The following FAM107B variants were observed in gnomAD, a reference collection of about 807,000 sequenced individuals.
The protein encoded by FAM107B is protein FAM107B.
Under a neutral mutation model 31.5 loss-of-function variants are expected in FAM107B, and 21 were observed. The ratio of observed to expected loss-of-function variants is 0.67; its 90% CI spans 0.47 to 0.96. The LOEUF is 0.96. FAM107B is among the 40% of genes least tolerant of loss of function. The pLI is 0.00. For synonymous variants in FAM107B, 157 were observed against 141.5 expected (o/e 1.11, Z -0.78); for missense variants, 452 against 377.1 (o/e 1.20, Z -1.64).
At chr10:14,544,231 CAGT>C (rs1848501686) in intron 2 of FAM107B, among the ~76,000 whole-genome samples, 1 of 152,186 alleles carries the variant, frequency 6.6e-6, no homozygotes, top group Non-Finnish European at 1.5e-5. Flanking sequence ...GAACTAGCAG[CAGT>C]AGTCACCCAT....
chr10:14,770,946 C>T (rs1198919358), intron 1 of FAM107B, among the ~76,000 whole-genome samples: 2 of 143,882 alleles, frequency 1.4e-5, no homozygotes, highest in African/African-American at 5.3e-5. Context: ...GGCTTGTCCC[C>T]ATTTCTTACC....
intron 2 of FAM107B, among the ~76,000 whole-genome samples, chr10:14,592,286 A>G (rs1013300360): frequency 2.6e-5 from 4 of 152,244 alleles, no homozygotes; most frequent in African/African-American, 9.6e-5. Flanking sequence ...AGGAAGAGGC[A>G]GTTCCTGGGG....
At chr10:14,772,984 A>G (rs546993865) in intron 1 of FAM107B, among the ~76,000 whole-genome samples, 2 of 152,324 alleles carry the variant, frequency 1.3e-5, no homozygotes, top group African/African-American at 4.8e-5. Flanking sequence ...TATCCAACAA[A>G]TATCAACTTG....
At chr10:14,734,491 T>TTTTTTTTTTTGTTTG (rs2131563875) in intron 1 of FAM107B, among the ~76,000 whole-genome samples, 1 of 151,246 alleles carries the variant, frequency 6.6e-6, no homozygotes, top group Admixed American at 6.6e-5. Context: ...TTGTGAGGTT[T>TTTTTTTTTTTGTTTG]TTTTTTTTTT....
chr10:14,588,890 T>A (rs1304719829), intron 2 of FAM107B, among the ~76,000 whole-genome samples: 1 of 151,920 alleles, frequency 6.6e-6, no homozygotes, highest in African/African-American at 2.4e-5. Flanking sequence ...ATTTAAAGAA[T>A]AAGTGGTGAG....
At chr10:14,593,133 T>C (rs951066638) in intron 2 of FAM107B, among the ~76,000 whole-genome samples, 2 of 152,172 alleles carry the variant, frequency 1.3e-5, no homozygotes, top group Admixed American at 1.3e-4. Context: ...GAAGTCTTTT[T>C]AAATTAAAAT....
At chr10:14,665,445 C>A (rs1854379994) in intron 2 of FAM107B, among the ~76,000 whole-genome samples, 1 of 152,138 alleles carries the variant, frequency 6.6e-6, no homozygotes, top group Non-Finnish European at 1.5e-5. Flanking sequence ...TGATGTCCTC[C>A]CAACGTGTGT....
Position 14,773,929 on chromosome 10 carries a change from A to G in FAM107B, c.411+324T>C, listed in dbSNP as rs567066049. 1.7e-3 allele frequency among the ~76,000 whole-genome samples: 266 copies of G among 152,322 alleles called. 1 individual carries two copies. Among genetic ancestry groups the G allele is most frequent in the African/African-American group, 6.1e-3 (255 of 41,570 alleles). On this transcript the variant is annotated intron_variant, in intron 1 of 4. Transcript: ENST00000181796. ...GTGGAGGGGGAAATAGAAAAAGGAAAAAAATGTTTTTGTAAACTATCTTAC... is the reference window on the plus strand; with the variant it reads ...GTGGAGGGGGAAATAGAAAAAGGAAGAAAATGTTTTTGTAAACTATCTTAC...
chr10:14,604,247 C>T (rs961075962), intron 2 of FAM107B: 3 of 979,504 alleles, frequency 3.1e-6, no homozygotes, highest in Non-Finnish European at 3.6e-6. Flanking sequence ...TACCTCGGCG[C>T]GCGCACAAAG....
chr10:14,589,113 T>C (rs1851935983), intron 2 of FAM107B, among the ~76,000 whole-genome samples: 1 of 148,930 alleles, frequency 6.7e-6, no homozygotes, highest in Non-Finnish European at 1.5e-5. Flanking sequence ...GCCCAGGAGG[T>C]TGCAGTGAGC....
At chr10:14,535,237 T>G (rs1246791213) in intron 2 of FAM107B, among the ~76,000 whole-genome samples, 2 of 152,104 alleles carry the variant, frequency 1.3e-5, no homozygotes, top group Non-Finnish European at 2.9e-5. Context: ...GAAGGAGAAA[T>G]AAAACTGGTT....
At chr10:14,633,576 C>T (rs1034881334) in intron 2 of FAM107B, among the ~76,000 whole-genome samples, 1 of 152,110 alleles carries the variant, frequency 6.6e-6, no homozygotes, top group African/African-American at 2.4e-5. Flanking sequence ...TGAATGAAAG[C>T]ATAATATACC....
At chr10:14,710,240 G>C (rs550275099) in intron 1 of FAM107B, among the ~76,000 whole-genome samples, 1 of 151,892 alleles carries the variant, frequency 6.6e-6, no homozygotes, top group Admixed American at 6.6e-5. Context: ...AAATAATAAA[G>C]TCTATTCATT....
chr10:14,760,257 A>G (rs1396250059), intron 1 of FAM107B, among the ~76,000 whole-genome samples: 1 of 152,146 alleles, frequency 6.6e-6, no homozygotes, highest in East Asian at 1.9e-4. Flanking sequence ...CTCTTCACCC[A>G]TTTCCTGGCC....
At chr10:14,622,592 T>G (rs895875898) in intron 2 of FAM107B, among the ~76,000 whole-genome samples, 37 of 152,044 alleles carry the variant, frequency 2.4e-4, no homozygotes, top group African/African-American at 8.7e-4. Context: ...GGCATGAGAT[T>G]CTTAAACCAG....
At chr10:14,764,742 G>T (rs1833128488) in intron 1 of FAM107B, among the ~76,000 whole-genome samples, 1 of 152,190 alleles carries the variant, frequency 6.6e-6, no homozygotes, top group Non-Finnish European at 1.5e-5. Flanking sequence ...CAGCCCCTAT[G>T]GTTCCTAGAC....
intron 2 of FAM107B, among the ~76,000 whole-genome samples, chr10:14,630,044 G>C (rs981557329): frequency 4.6e-5 from 7 of 152,038 alleles, no homozygotes; most frequent in Non-Finnish European, 1.0e-4. Flanking sequence ...AACTTTGATA[G>C]AGCTTTATCT....
intron 1 of FAM107B, among the ~76,000 whole-genome samples, chr10:14,671,356 T>C (rs1017955294): frequency 5.3e-5 from 8 of 152,158 alleles, no homozygotes; most frequent in African/African-American, 9.7e-5. Context: ...CAGGGTTTTA[T>C]TGGGTGAAAA....
intron 1 of FAM107B, chr10:14,723,055 TTG>T (rs1399648456): frequency 2.8e-6 from 1 of 353,686 alleles, no homozygotes; most frequent in African/African-American, 2.1e-5. Flanking sequence ...GGTCTTATAT[TTG>T]TGTCTTATAT....
Sources: allele counts gnomAD v4.1 joint callset (sites outside exome capture counted in the v4.1 genomes callset), GRCh38; gene constraint gnomAD v4.1.1; transcripts MANE v1.5; gene names NCBI Gene and HGNC (gene_info 2026-07-23, HGNC 2026-07-21).